Variants in CDYL observed in about 807,000 individuals in gnomAD.
The protein encoded by CDYL is chromodomain Y-like protein.
In CDYL, 8 loss-of-function variants were observed where a neutral mutation model predicts 47.3. That is an observed-to-expected ratio of 0.17 (90% CI 0.10 to 0.31). The LOEUF (loss-of-function observed/expected upper bound fraction) is 0.31, where lower values mean the gene tolerates loss of function less well. Among genes scored for constraint, CDYL ranks in the 10% least tolerant of loss-of-function variants. The pLI is 1.00. For missense variants in CDYL, 471 were observed against 701.4 expected (o/e 0.67, Z 3.71); for synonymous variants, 266 against 265.0 (o/e 1.00, Z -0.04).
At position 4,894,875 on chromosome 6, in the gene CDYL, A is replaced by ATGTG. The variant is rs1285890714; in HGVS notation, c.691+2498_691+2501dup. Among the ~76,000 whole-genome samples the ATGTG allele has an allele frequency of 2.9e-3, 9 of 3,128 alleles. No individual in the cohort carries two copies. In the Non-Finnish European group the frequency reaches 0.15, roughly 50 times the overall value. 2.1% of individuals were successfully genotyped at this position (3,128 alleles called of 152,430 possible). On this transcript the variant is annotated intron_variant, in intron 2 of 6. Coordinates refer to ENST00000397588, the MANE Select transcript of CDYL (RefSeq NM_004824.4). ...TGTGTGTATATGTGTATATACACAC[A>ATGTG]TGTGTATGTGTGTGTATATATACAC...
chr6:4,815,120 C>T (rs114328256), intron 1 of CDYL, among the ~76,000 whole-genome samples: 17 of 152,274 alleles, frequency 1.1e-4, no homozygotes, highest in African/African-American at 3.8e-4. Flanking sequence ...TGCTTTTATA[C>T]TAGTAATAAC....
intron 2 of CDYL, among the ~76,000 whole-genome samples, chr6:4,900,283 C>A (rs1415638003): frequency 6.6e-6 from 1 of 152,096 alleles, no homozygotes; most frequent in African/African-American, 2.4e-5. Flanking sequence ...CAAATTATTT[C>A]TTTTTATGTT....
chr6:4,821,312 C>T (rs1001482528), intron 1 of CDYL, among the ~76,000 whole-genome samples: 16 of 114,160 alleles, frequency 1.4e-4, no homozygotes, highest in Non-Finnish European at 2.4e-4. Flanking sequence ...CACTCTCACT[C>T]TGTCGCCCAG....
intron 1 of CDYL, among the ~76,000 whole-genome samples, chr6:4,847,890 C>A (rs575713550): frequency 1.3e-5 from 2 of 152,224 alleles, no homozygotes; most frequent in East Asian, 3.9e-4. Flanking sequence ...GAACAATTGT[C>A]AGGAGTTCTG....
At chr6:4,843,339 C>T (rs1306880326) in intron 1 of CDYL, among the ~76,000 whole-genome samples, 2 of 152,082 alleles carry the variant, frequency 1.3e-5, no homozygotes, top group African/African-American at 4.8e-5. Flanking sequence ...GTTCTTTGAG[C>T]TTCTCGTATT....
At chr6:4,792,284 A>G (rs1267526794) in intron 1 of CDYL, among the ~76,000 whole-genome samples, 2 of 151,988 alleles carry the variant, frequency 1.3e-5, no homozygotes, top group Non-Finnish European at 2.9e-5. Context: ...ATCTTGGTAT[A>G]TAATAGATTC....
intron 2 of CDYL, among the ~76,000 whole-genome samples, chr6:4,932,569 T>G (rs1172043412): frequency 2.0e-5 from 3 of 152,182 alleles, no homozygotes; most frequent in Non-Finnish European, 4.4e-5. Context: ...TGCTTGGATA[T>G]AGCAGCAATT....
At position 4,717,740 on chromosome 6, in the gene CDYL, A is replaced by AAAT. The variant is rs1491395482; in HGVS notation, c.103+1859_103+1860insAAT. Among the ~76,000 whole-genome samples, 74 of 118,824 alleles carry AAAT rather than the reference A, an allele frequency of 6.2e-4. 7 individuals carry two copies. The highest frequency in any genetic ancestry group is 1.9e-3 in the African/African-American group (57 of 30,052). The allele number at this position is 118,824 out of a possible 152,430, so 78.0% of individuals were successfully genotyped here. A position where few individuals can be genotyped will look rare whatever the true frequency, so the allele number is the denominator to read the frequency against. ...AAAAAAAAAAAAAAAAAAAAAAAAA[A>AAAT]TTAAAAATTGAAAGGGATTTTTGTT... On this transcript the variant is annotated intron_variant, in intron 2 of 8. Transcript: ENST00000328908.
In CDYL at chr6:4,935,607, A is replaced by C; in HGVS notation, c.784A>C (p.Ile262Leu). 6.2e-7 allele frequency: 1 copy of C among 1,614,240 alleles called. No homozygotes were observed. Among genetic ancestry groups the C allele is most frequent in the African/African-American group, 1.3e-5 (1 of 75,076 alleles). Residue 262 changes from isoleucine (I) to leucine (L), a missense_variant, in exon 3 of 7, where the codon ATT (isoleucine) becomes CTT (leucine). Ile to Leu is a conservative substitution (Grantham distance 5). This residue lies in a region of CDYL where 311 missense variants were observed against 350.0 expected (regional missense o/e 0.89). Transcript: ENST00000397588. ...AGTGACTGCCAGCAAAAGGAAATTT[A>C]TTGACGACAGAAGAGACCAGCCTTT... ...TGVTASKRKF[I>L]DDRRDQPFDK...
intron 2 of CDYL, among the ~76,000 whole-genome samples, chr6:4,893,465 G>A (rs1045110606): frequency 3.3e-5 from 5 of 152,228 alleles, no homozygotes; most frequent in African/African-American, 1.2e-4. Flanking sequence ...GGCCGAGGAG[G>A]GCAGATCGCT....
At chr6:4,825,493 T>G (rs1023576187) in intron 1 of CDYL, among the ~76,000 whole-genome samples, 2 of 152,204 alleles carry the variant, frequency 1.3e-5, no homozygotes, top group African/African-American at 4.8e-5. Context: ...ATAAATGTCC[T>G]TATCATGTTG....
chr6:4,887,966 C>T (rs941743368), intron 1 of CDYL, among the ~76,000 whole-genome samples: 2 of 150,352 alleles, frequency 1.3e-5, no homozygotes, highest in Non-Finnish European at 3.0e-5. Context: ...GTGATTTTTT[C>T]CCCTTTATTC....
At chr6:4,770,131 C>T (rs1283037980) in intron 3 of CDYL, among the ~76,000 whole-genome samples, 2 of 152,058 alleles carry the variant, frequency 1.3e-5, no homozygotes, top group East Asian at 1.9e-4. Context: ...GCCATGGCGC[C>T]GGGCCAACAT....
upstream of CDYL, among the ~76,000 whole-genome samples, chr6:4,773,372 G>A (rs1019656407): frequency 1.3e-5 from 2 of 152,140 alleles, no homozygotes; most frequent in African/African-American, 2.4e-5. This position sits in a 1 kb window ranked among gnomAD's most constrained non-coding sequence, Gnocchi z 4.6. Flanking sequence ...AAGCCACTGA[G>A]AAAATAATAG....
chr6:4,811,145 C>T (rs2127444214), intron 1 of CDYL, among the ~76,000 whole-genome samples: 1 of 152,228 alleles, frequency 6.6e-6, no homozygotes, highest in African/African-American at 2.4e-5. Flanking sequence ...TTTGCATGCT[C>T]ATTAATTCTT....
Position 4,937,622 on chromosome 6 carries a change from G to A in CDYL, c.1006G>A (p.Val336Ile). The A allele has an allele frequency of 1.2e-6, 2 of 1,613,298 alleles. No homozygotes were observed. Among genetic ancestry groups the A allele is most frequent in the Non-Finnish European group, 1.7e-6 (2 of 1,179,676 alleles). Residue 336 changes from valine (V) to isoleucine (I), a missense_variant, in exon 4 of 7, where the codon GTA becomes ATA. This residue lies in a region of CDYL where 103 missense variants were observed against 277.1 expected (regional missense o/e 0.37). Transcript: ENST00000397588. The stretch of plus-strand genomic sequence containing the variant: ...GGCCGCTGCCGATGACAGCAAGCTG[G>A]TACTGCTCAGCGCCGTTGGCAGCGT... ...STAAADDSKL[V>I]LLSAVGSVFC...
At chr6:4,733,340 G>T (rs939852494) in intron 2 of CDYL, 2 of 151,636 alleles carry the variant, frequency 1.3e-5, no homozygotes, top group Non-Finnish European at 2.9e-5. Flanking sequence ...CCACAGCATG[G>T]CAAAATCAAT....
chr6:4,954,255 C>A lies in CDYL; in HGVS notation c.*199C>A. On this transcript the variant is annotated 3_prime_UTR_variant, in exon 7 of 7. Coordinates refer to ENST00000397588, the MANE Select transcript of CDYL (RefSeq NM_004824.4). ...AACTTTAAAATAAATAACTACAAAGCTTCTTTGTCCAAACGTCATTATTTT... is the reference window on the plus strand; with the variant it reads ...AACTTTAAAATAAATAACTACAAAGATTCTTTGTCCAAACGTCATTATTTT... The A allele has an allele frequency of 2.0e-6, 1 of 502,166 alleles. No homozygotes were observed. The highest frequency in any genetic ancestry group is 3.5e-6 in the Non-Finnish European group (1 of 289,696). The allele number at this position is 502,166 out of a possible 1,614,324, so 31.1% of individuals were successfully genotyped here. A position where few individuals can be genotyped will look rare whatever the true frequency, so the allele number is the denominator to read the frequency against.
intron 2 of CDYL, among the ~76,000 whole-genome samples, chr6:4,895,301 A>ATACATGTG: frequency 2.7e-4 from 3 of 11,252 alleles, no homozygotes; most frequent in African/African-American, 2.1e-4. Context: ...GCATGTATGT[A>ATACATGTG]TATATGTGCA....
Sources: allele counts gnomAD v4.1 joint callset (sites outside exome capture counted in the v4.1 genomes callset), GRCh38; gene constraint gnomAD v4.1.1; regional missense constraint gnomAD v4.1.1; non-coding constraint Gnocchi (gnomAD v3.1); transcripts MANE v1.5; gene names NCBI Gene and HGNC (gene_info 2026-07-23, HGNC 2026-07-21).